The following POLR3D variants were observed in gnomAD, a reference collection of about 807,000 sequenced individuals.
The protein encoded by POLR3D is DNA-directed RNA polymerase III subunit RPC4.
POLR3D carries 42 observed loss-of-function variants against 44.5 expected under a neutral mutation model. The ratio of observed to expected loss-of-function variants is 0.94; its 90% CI spans 0.74 to 1.22. The LOEUF (loss-of-function observed/expected upper bound fraction) is 1.22. Ranked by LOEUF, POLR3D falls within the 50% of genes most tolerant of loss-of-function variation. POLR3D has a pLI of 0.00. For missense variants in POLR3D, 507 were observed against 505.2 expected (o/e 1.00, Z -0.03); for synonymous variants, 217 against 198.1 (o/e 1.10, Z -0.80).
chr8:22,248,062 G>A lies in POLR3D; in HGVS notation c.361+54G>A. On this transcript the variant is annotated intron_variant, in intron 4 of 8. Transcript: ENST00000306433. Reference sequence around the variant, plus strand: ...TTCAGACTGCCCCAGAGAAGGGCGAGAACAGTGGAATTTCCCCACTCCCAT... The same window carrying A: ...TTCAGACTGCCCCAGAGAAGGGCGAAAACAGTGGAATTTCCCCACTCCCAT... 3 of 1,607,798 alleles carry A rather than the reference G, an allele frequency of 1.9e-6. No homozygotes were observed. In the South Asian group the frequency reaches 3.3e-5, roughly 18 times the overall value.
At chr8:22,248,966 A>G in intron 6 of POLR3D, 78 bp from the exon 7 acceptor site, 2 of 1,516,234 alleles carry the variant, frequency 1.3e-6, no homozygotes, top group Non-Finnish European at 1.8e-6. Context: ...TGGAGCAGAC[A>G]GGGGCAAAGG....
Position 22,248,525 on chromosome 8 carries a change from T to G in POLR3D, c.531T>G (p.Pro177=), listed in dbSNP as rs1830066527. The G allele has an allele frequency of 6.2e-7, 1 of 1,614,066 alleles. No individual in the cohort carries two copies. Among genetic ancestry groups the G allele is most frequent in the African/African-American group, 1.3e-5 (1 of 74,924 alleles). The change falls in exon 6 of 9, where the codon CCT becomes CCG. Residue 177 remains proline (P), a synonymous_variant. Coordinates refer to ENST00000306433, the MANE Select transcript of POLR3D (RefSeq NM_001722.3). ...TGAGGAACGACACTCGAAATATGCC[T>G]GTGCAGCTGCCGCTGGCTCACTCAG... ...PGLRNDTRNM[P]VQLPLAHSGW... is the part of the protein sequence containing the mutation.
rs548993114 is a variant in POLR3D, at chr8:22,251,219, G to A, written c.*701G>A. 1.3e-5 allele frequency: 2 copies of A among 153,520 alleles called. No individual in the cohort carries two copies. Among genetic ancestry groups the A allele is most frequent in the East Asian group, 1.9e-4 (1 of 5,188 alleles). The allele number at this position is 153,520 out of a possible 1,614,324, so 9.5% of individuals were successfully genotyped here. On this transcript the variant is annotated 3_prime_UTR_variant, in exon 9 of 9. Coordinates refer to ENST00000306433, the MANE Select transcript of POLR3D (RefSeq NM_001722.3). ...AGATTCTAAATCTCCCAGAAGCAGCGACTAGAGCTGCTCCCGTCCCCACTC... is the reference window on the plus strand; with the variant it reads ...AGATTCTAAATCTCCCAGAAGCAGCAACTAGAGCTGCTCCCGTCCCCACTC...
intron 6 of POLR3D, 90 bp downstream of exon 6, chr8:22,248,739 T>A (rs1329846512): frequency 7.8e-7 from 1 of 1,280,682 alleles, no homozygotes; most frequent in Non-Finnish European, 1.1e-6. Flanking sequence ...TGCCCCTGAC[T>A]GCTGCTCGTG....
chr8:22,248,139 G>A lies in POLR3D; in HGVS notation c.362-15G>A, dbSNP rs1445342646. 2.1e-5 allele frequency: 34 copies of A among 1,613,586 alleles called. No homozygotes were observed. The highest frequency in any genetic ancestry group is 2.8e-5 in the Non-Finnish European group (33 of 1,179,882). ...TTCCTTATCGATCCCTAGTGACCTG[G>A]GTGATTTCCCACAGGGAACTGGGAT... On this transcript the variant is annotated splice_polypyrimidine_tract_variant and intron_variant, in intron 4 of 8. Transcript: ENST00000306433.
Position 22,248,481 on chromosome 8 carries a change from T to A in POLR3D, c.487T>A (p.Phe163Ile). Residue 163 changes from phenylalanine to isoleucine, a missense_variant and splice_region_variant, in exon 6 of 9, where the codon TTC becomes ATC. By Grantham distance (21) the Phe-to-Ile change is conservative. Transcript: ENST00000306433. ...GGATGACCCAGACTCTCTTTGGCAG[T>A]TCCTCGATGACCCCGGCCTGAGGAA... Reference protein sequence around the residue: ...QILRMLEKDDFLDDPGLRNDT... With the variant: ...QILRMLEKDDILDDPGLRNDT... The A allele has an allele frequency of 6.2e-7, 1 of 1,613,744 alleles. No individual in the cohort carries two copies. The highest frequency in any genetic ancestry group is 8.5e-7 in the Non-Finnish European group (1 of 1,179,824).
chr8:22,245,557 C>T lies in POLR3D; in HGVS notation c.108C>T (p.Thr36=). Residue 36 remains threonine, a synonymous_variant, in exon 2 of 9, where the codon ACC becomes ACT. Transcript: ENST00000306433. ...GGCGGCGGCCGGCGCCTCCCCTCAC[C>T]CCCGGCCGCCTTCCCTCCATCCGTT... ...LIGRRPAPPL[T]PGRLPSIRSR... The T allele has an allele frequency of 1.6e-6, 2 of 1,262,266 alleles. No homozygotes were observed. The highest frequency in any genetic ancestry group is 2.0e-6 in the Non-Finnish European group (2 of 995,672). 78.2% of individuals were successfully genotyped at this position (1,262,266 alleles called of 1,614,324 possible). A position where few individuals can be genotyped will look rare whatever the true frequency, so the allele number is the denominator to read the frequency against.
intron 2 of POLR3D, among the ~76,000 whole-genome samples, 181 bp downstream of exon 2, chr8:22,245,795 G>A (rs1196618105): frequency 2.6e-5 from 4 of 152,202 alleles, no homozygotes; most frequent in Non-Finnish European, 5.9e-5. Flanking sequence ...AGTACAAGAT[G>A]TTGAAATGAC....
At chr8:22,247,712 G>C in intron 3 of POLR3D, 145 bp from the exon 4 acceptor site, 3 of 710,190 alleles carry the variant, frequency 4.2e-6, no homozygotes, top group Non-Finnish European at 6.7e-6. Context: ...AAAAGTGCTA[G>C]AATTAGGATT....
chr8:22,247,788 G>A (rs1202491440), intron 3 of POLR3D, 69 bp from the exon 4 acceptor site: 33 of 1,469,106 alleles, frequency 2.2e-5, no homozygotes, highest in Non-Finnish European at 2.7e-5. Flanking sequence ...GAAGTGGTAT[G>A]GGAGAGTAAG....
intron 3 of POLR3D, 83 bp from the exon 4 acceptor site, chr8:22,247,774 G>A: frequency 1.6e-6 from 2 of 1,288,552 alleles, no homozygotes; most frequent in Non-Finnish European, 2.2e-6. Context: ...CACTGTTTTG[G>A]AGTGAAGTGG....
At chr8:22,246,049 G>A (rs1161379283) in intron 2 of POLR3D, among the ~76,000 whole-genome samples, 3 of 152,206 alleles carry the variant, frequency 2.0e-5, no homozygotes, top group Admixed American at 6.5e-5. Flanking sequence ...TCTCCCATGT[G>A]TATATGACTG....
intron 6 of POLR3D, 123 bp downstream of exon 6, chr8:22,248,772 G>A (rs1203824616): frequency 3.0e-6 from 3 of 991,546 alleles, no homozygotes; most frequent in Admixed American, 2.3e-5. Flanking sequence ...CATTCCGGCT[G>A]TAAGATACAT....
Position 22,248,506 on chromosome 8 carries a change from A to G in POLR3D, c.512A>G (p.Asn171Ser). 1 of 1,614,142 alleles carries G rather than the reference A, an allele frequency of 6.2e-7. No homozygotes were observed. The highest frequency in any genetic ancestry group is 8.5e-7 in the Non-Finnish European group (1 of 1,180,006). Residue 171 changes from asparagine (N) to serine (S), a missense_variant, in exon 6 of 9, where the codon AAC (asparagine) becomes AGC (serine). Asn to Ser is a conservative substitution (Grantham distance 46, BLOSUM62 1). Transcript: ENST00000306433. ...DDFLDDPGLR[N>S]DTRNMPVQLP... ...TTCCTCGATGACCCCGGCCTGAGGA[A>G]CGACACTCGAAATATGCCTGTGCAG...
At position 22,253,646 on chromosome 8, in the gene POLR3D, T is replaced by A. The variant is rs1434034112; in HGVS notation, c.*3128T>A. The A allele has an allele frequency of 1.3e-5, 2 of 152,248 alleles. No homozygotes were observed. Among genetic ancestry groups the A allele is most frequent in the African/African-American group, 4.8e-5 (2 of 41,470 alleles). The allele number at this position is 152,248 out of a possible 1,614,324, so 9.4% of individuals were successfully genotyped here. ...TTAGTGTATATTATTTTATTTTAGATTCAGCAGGTACATGAGCATGTTAGT... is the reference window on the plus strand; with the variant it reads ...TTAGTGTATATTATTTTATTTTAGAATCAGCAGGTACATGAGCATGTTAGT... On this transcript the variant is annotated 3_prime_UTR_variant, in exon 9 of 9. Transcript: ENST00000306433.
At chr8:22,249,757 G>A (rs754291228) in intron 7 of POLR3D, among the ~76,000 whole-genome samples, 4 of 152,160 alleles carry the variant, frequency 2.6e-5, no homozygotes, top group African/African-American at 7.2e-5. Context: ...AGGAGGCAGA[G>A]GTTGCAGTAA....
intron 2 of POLR3D, among the ~76,000 whole-genome samples, chr8:22,245,862 A>G (rs942016191): frequency 6.6e-6 from 1 of 152,180 alleles, no homozygotes; most frequent in African/African-American, 2.4e-5. Flanking sequence ...TTCAAAAGCA[A>G]TTTGAACAGT....
intron 6 of POLR3D, 82 bp downstream of exon 6, chr8:22,248,731 C>T: frequency 7.4e-7 from 1 of 1,345,558 alleles, no homozygotes; most frequent in Non-Finnish European, 1.0e-6. Context: ...CTTGCATGTG[C>T]CCCTGACTGC....
At position 22,250,416 on chromosome 8, in the gene POLR3D, T is replaced by C. The variant is rs1303469726; in HGVS notation, c.1095T>C (p.Leu365=). Residue 365 remains leucine, a synonymous_variant, in exon 9 of 9, where the codon CTT becomes CTC. Transcript: ENST00000306433. ...SFLQELVSVG[L]GDSRTGEMTV... ...GGCAGGAGCTGGTGTCCGTGGGCCT[T>C]GGAGACAGTAGGACAGGGGAGATGA... is the stretch of plus-strand genomic sequence containing the variant. 6.2e-7 allele frequency: 1 copy of C among 1,614,068 alleles called. No homozygotes were observed. Among genetic ancestry groups the C allele is most frequent in the East Asian group, 2.2e-5 (1 of 44,894 alleles).
Sources: gnomAD v4.1 joint callset for allele counts (sites outside exome capture counted in the v4.1 genomes callset) on GRCh38, gnomAD v4.1.1 for gene constraint, MANE v1.5 for transcripts, NCBI Gene and HGNC (gene_info 2026-07-23, HGNC 2026-07-21) for gene names.